Variants in POR observed in about 807,000 individuals in gnomAD.
The protein encoded by POR is cytochrome p450 oxidoreductase, also known as NADPH--cytochrome P450 reductase.
POR carries 56 observed loss-of-function variants against 84.0 expected under a neutral mutation model. The observed-to-expected ratio is 0.67, with a 90% CI of 0.54 to 0.83. The LOEUF (loss-of-function observed/expected upper bound fraction) is 0.83, where lower values mean the gene tolerates loss of function less well. Among genes scored for constraint, POR ranks in the 40% least tolerant of loss-of-function variants. POR has a pLI of 0.00. For missense variants in POR, 938 were observed against 944.3 expected (o/e 0.99, Z 0.09); for synonymous variants, 414 against 400.5 (o/e 1.03, Z -0.40).
chr7:75,980,150 C>A (rs1048735094), intron 4 of POR, among the ~76,000 whole-genome samples, 189 bp from the exon 5 acceptor site: 8 of 152,206 alleles, frequency 5.3e-5, no homozygotes, highest in African/African-American at 1.9e-4. Flanking sequence ...TGACCTTGTC[C>A]TGCCCACCTG....
chr7:75,949,594 A>T (rs1341677585), intron 1 of POR, among the ~76,000 whole-genome samples: 3 of 151,836 alleles, frequency 2.0e-5, no homozygotes, highest in African/African-American at 7.3e-5. Flanking sequence ...ATCTCAGCTC[A>T]CTGCAACCTC....
At chr7:75,937,551 G>A (rs945533917) in intron 1 of POR, among the ~76,000 whole-genome samples, 8 of 151,666 alleles carry the variant, frequency 5.3e-5, no homozygotes, top group African/African-American at 1.9e-4. Context: ...GGAAGGCTGA[G>A]GGGGTGGATC....
intron 3 of POR, among the ~76,000 whole-genome samples, chr7:75,977,379 C>T (rs1788743535): frequency 6.6e-6 from 1 of 152,202 alleles, no homozygotes. Context: ...CCACGTGTAG[C>T]TGTGATCCAG....
chr7:75,984,741 C>T (rs782648077), intron 10 of POR, 36 bp from the exon 11 acceptor site: 47 of 1,600,524 alleles, frequency 2.9e-5, no homozygotes, highest in Non-Finnish European at 3.8e-5. Flanking sequence ...AGGAGGCGGC[C>T]GCCTACCCCA....
intron 5 of POR, chr7:75,980,744 G>A (rs966161229): frequency 1.8e-5 from 27 of 1,471,776 alleles, no homozygotes; most frequent in South Asian, 3.8e-5. Context: ...CTGGCTGGAC[G>A]ACTGAGACCT....
intron 3 of POR, 75 bp downstream of exon 3, chr7:75,972,536 G>T (rs782026654): frequency 7.2e-7 from 1 of 1,384,060 alleles, no homozygotes. Flanking sequence ...TCTAGCAGAC[G>T]GCTGGCGTCA....
In POR at chr7:75,980,840, G is replaced by A. The variant is rs1043429819; in HGVS notation, c.517-208G>A. Reference sequence around the variant, plus strand: ...CTGTGGGTTGAGGCTGGCAGTGGACGGGGCAGGCTGTGGGCTGCAGGTCAA... The same window carrying A: ...CTGTGGGTTGAGGCTGGCAGTGGACAGGGCAGGCTGTGGGCTGCAGGTCAA... On this transcript the variant is annotated intron_variant, in intron 5 of 15. Transcript: ENST00000461988. The A allele has an allele frequency of 3.0e-5, 34 of 1,133,058 alleles. No homozygotes were observed. The African/African-American group carries it at 3.1e-4, about 10-fold the overall frequency. The allele number at this position is 1,133,058 out of a possible 1,614,324, so 70.2% of individuals were successfully genotyped here.
Position 75,986,679 on chromosome 7 carries a change from C to A in POR, c.*198C>A. 1 of 676,492 alleles carries A rather than the reference C, an allele frequency of 1.5e-6. No homozygotes were observed. Among genetic ancestry groups the A allele is most frequent in the Non-Finnish European group, 2.5e-6 (1 of 407,766 alleles). The allele number at this position is 676,492 out of a possible 1,614,324, so 41.9% of individuals were successfully genotyped here. A position where few individuals can be genotyped will look rare whatever the true frequency, so the allele number is the denominator to read the frequency against. On this transcript the variant is annotated 3_prime_UTR_variant, in exon 16 of 16. Transcript: ENST00000461988. ...TCCACCGGCCCCTGGCAGCACAGCC[C>A]AGGGCCTGCATGGGGGCACCGGGCT... is the stretch of plus-strand genomic sequence containing the variant.
In POR at chr7:75,986,245, A is replaced by G. The variant is rs781976253; in HGVS notation, c.1898+4A>G. 6.2e-7 allele frequency: 1 copy of G among 1,611,964 alleles called. No homozygotes were observed. The highest frequency in any genetic ancestry group is 8.5e-7 in the Non-Finnish European group (1 of 1,179,332). ...GTGCCCACATCTACGTCTGTGGGTG[A>G]GTGAGTGGGGTCACTGGAATAGGGG... On this transcript the variant is annotated splice_donor_region_variant and intron_variant, in intron 15 of 15. Coordinates refer to ENST00000461988, the MANE Select transcript of POR (RefSeq NM_000941.3).
chr7:75,933,376 GTTTTT>G (rs200575911), intron 1 of POR, among the ~76,000 whole-genome samples: 1 of 92,082 alleles, frequency 1.1e-5, no homozygotes. Flanking sequence ...ATAGGTCTTT[GTTTTT>G]TTTTTTTTTT....
chr7:75,931,242 A>G (rs1283033938), intron 1 of POR, among the ~76,000 whole-genome samples: 2 of 152,226 alleles, frequency 1.3e-5, no homozygotes, highest in Non-Finnish European at 2.9e-5. Context: ...ATGAAGAGGA[A>G]TGAAGGGCTT....
Position 75,985,672 on chromosome 7 carries a change from C to A in POR, c.1492C>A (p.Arg498=), listed in dbSNP as rs781994682. 6.3e-7 allele frequency: 1 copy of A among 1,593,554 alleles called. No homozygotes were observed. The highest frequency in any genetic ancestry group is 8.5e-7 in the Non-Finnish European group (1 of 1,171,436). Reference sequence around the variant, plus strand: ...CAAGGGCGTGGCCACCAACTGGCTGCGGGCCAAGGAGCCTGCCGGGGAGAA... The same window carrying A: ...CAAGGGCGTGGCCACCAACTGGCTGAGGGCCAAGGAGCCTGCCGGGGAGAA... The change falls in exon 13 of 16, where the codon CGG becomes AGG. Residue 498 remains arginine, a synonymous_variant. Coordinates refer to ENST00000461988, the MANE Select transcript of POR (RefSeq NM_000941.3).
chr7:75,961,918 G>C (rs1272598135), intron 2 of POR, among the ~76,000 whole-genome samples: 3 of 152,148 alleles, frequency 2.0e-5, no homozygotes, highest in African/African-American at 7.2e-5. Context: ...GAAGGCTGAG[G>C]TGGGAGGATC....
At chr7:75,919,382 C>CGTGTGTGTGTGTGT (rs56136603) in intron 1 of POR, among the ~76,000 whole-genome samples, 2,357 of 146,516 alleles carry the variant, frequency 0.016, 64 homozygotes, top group African/African-American at 0.053. Flanking sequence ...TCTGTGCGTG[C>CGTGTGTGTGTGTGT]GTGTGTGTGT....
intron 1 of POR, among the ~76,000 whole-genome samples, chr7:75,926,010 T>C (rs1260311012): frequency 6.6e-6 from 1 of 151,464 alleles, no homozygotes; most frequent in Non-Finnish European, 1.5e-5. Flanking sequence ...CCTGCTTTTT[T>C]TTCTTTCTCT....
chr7:75,949,137 T>TTTGTTGTTGTTG (rs147245532), intron 1 of POR, among the ~76,000 whole-genome samples: 16 of 151,252 alleles, frequency 1.1e-4, no homozygotes, highest in South Asian at 6.3e-4. Context: ...ACTTCAGGGC[T>TTTGTTGTTGTTG]TTGTTGTTGT....
At chr7:75,975,958 G>A (rs895001645) in intron 3 of POR, among the ~76,000 whole-genome samples, 5 of 151,548 alleles carry the variant, frequency 3.3e-5, no homozygotes, top group Admixed American at 2.0e-4. Context: ...AGCTGGTTCA[G>A]ATTTCTATTA....
chr7:75,958,663 T>C (rs1425604278), intron 2 of POR, among the ~76,000 whole-genome samples: 1 of 152,074 alleles, frequency 6.6e-6, no homozygotes, highest in Non-Finnish European at 1.5e-5. Flanking sequence ...ATAGGCCTCC[T>C]ACGATAGTGT....
Position 75,935,889 on chromosome 7 carries a change from TC to T in POR, c.-4-18099del, listed in dbSNP as rs1807652276. 5.3e-5 allele frequency among the ~76,000 whole-genome samples: 8 copies of T among 151,682 alleles called. No homozygotes were observed. In the South Asian group the frequency reaches 1.7e-3, roughly 32 times the overall value. On this transcript the variant is annotated intron_variant, in intron 1 of 15. Coordinates refer to ENST00000461988, the MANE Select transcript of POR (RefSeq NM_000941.3). ...GGGAGCCACTCCCCCAATAGCGCAT[TC>T]TATGTTCAGACTCCTTTATTAGAAC...
Sources: allele counts gnomAD v4.1 joint callset (sites outside exome capture counted in the v4.1 genomes callset), GRCh38; gene constraint gnomAD v4.1.1; transcripts MANE v1.5; gene names NCBI Gene and HGNC (gene_info 2026-07-23, HGNC 2026-07-21).